The following SGCZ variants were observed in gnomAD, a reference collection of about 807,000 sequenced individuals.
SGCZ encodes the protein zeta-sarcoglycan.
A neutral mutation model predicts 41.3 loss-of-function variants in SGCZ; 40 were observed. That is an observed-to-expected ratio of 0.97 (90% CI 0.75 to 1.26). SGCZ has a LOEUF of 1.26. Ranked by LOEUF, SGCZ falls within the 50% of genes most tolerant of loss-of-function variation. The pLI is 0.00. For synonymous variants in SGCZ, 206 were observed against 137.5 expected (o/e 1.50, Z -3.49); for missense variants, 552 against 369.8 (o/e 1.49, Z -4.04).
intron 1 of SGCZ, among the ~76,000 whole-genome samples, chr8:14,808,737 C>T (rs1281428749): frequency 6.6e-6 from 1 of 151,872 alleles, no homozygotes; most frequent in Non-Finnish European, 1.5e-5. Flanking sequence ...TGGGTATATA[C>T]CCAAAGAACT....
chr8:14,414,848 T>G (rs1021063388), intron 2 of SGCZ, among the ~76,000 whole-genome samples: 12 of 151,984 alleles, frequency 7.9e-5, no homozygotes, highest in African/African-American at 2.9e-4. Context: ...GAAATTGTGA[T>G]CATAAATTCA....
chr8:15,190,396 A>G (rs1272863426), intron 1 of SGCZ, among the ~76,000 whole-genome samples: 1 of 152,072 alleles, frequency 6.6e-6, no homozygotes, highest in African/African-American at 2.4e-5. Flanking sequence ...CTACCATGCA[A>G]TAGGCTTGAC....
intron 1 of SGCZ, among the ~76,000 whole-genome samples, chr8:14,883,505 A>G (rs913002870): frequency 6.6e-6 from 1 of 152,158 alleles, no homozygotes; most frequent in African/African-American, 2.4e-5. Context: ...TTACTGATCC[A>G]ATCCTTATTT....
At chr8:15,039,875 C>G (rs1424690080) in intron 1 of SGCZ, among the ~76,000 whole-genome samples, 2 of 152,166 alleles carry the variant, frequency 1.3e-5, no homozygotes, top group African/African-American at 4.8e-5. Flanking sequence ...GGTTAAACCG[C>G]AGCTTTTCAT....
intron 4 of SGCZ, among the ~76,000 whole-genome samples, chr8:14,197,284 C>A (rs1585222033): frequency 6.6e-6 from 1 of 152,070 alleles, no homozygotes. Flanking sequence ...GAACACTTCA[C>A]AACTTATTGT....
intron 1 of SGCZ, among the ~76,000 whole-genome samples, chr8:14,936,257 C>A (rs1289988182): frequency 1.3e-5 from 2 of 151,868 alleles, no homozygotes; most frequent in Non-Finnish European, 2.9e-5. Context: ...GGGTTACATT[C>A]TGATAAACCC....
intron 1 of SGCZ, among the ~76,000 whole-genome samples, chr8:14,983,261 C>T (rs1412832712): frequency 1.3e-5 from 2 of 151,478 alleles, no homozygotes; most frequent in Non-Finnish European, 2.9e-5. Context: ...TCATAGCTCA[C>T]TGCAGCCTCC....
At chr8:14,330,999 T>C (rs1802299365) in intron 2 of SGCZ, among the ~76,000 whole-genome samples, 1 of 151,900 alleles carries the variant, frequency 6.6e-6, no homozygotes, top group South Asian at 2.1e-4. Flanking sequence ...GTATTACACA[T>C]TTCAAAACAA....
chr8:14,634,957 T>A (rs934553064), intron 1 of SGCZ, among the ~76,000 whole-genome samples: 2 of 151,874 alleles, frequency 1.3e-5, no homozygotes, highest in African/African-American at 4.8e-5. Context: ...GTATAATTGA[T>A]GCATTATGAT....
chr8:14,295,467 C>A (rs1478024977), intron 3 of SGCZ, among the ~76,000 whole-genome samples: 1 of 152,132 alleles, frequency 6.6e-6, no homozygotes, highest in Non-Finnish European at 1.5e-5. Context: ...TGTCCATAAT[C>A]ATTCCTTTTA....
intron 1 of SGCZ, among the ~76,000 whole-genome samples, chr8:14,786,906 T>G (rs535973289): frequency 6.7e-6 from 1 of 149,452 alleles, no homozygotes; most frequent in Non-Finnish European, 1.5e-5. Context: ...CATACAACCA[T>G]GCTGTATGAT....
intron 3 of SGCZ, among the ~76,000 whole-genome samples, chr8:14,307,098 T>A (rs1387673488): frequency 2.6e-5 from 4 of 152,202 alleles, no homozygotes; most frequent in African/African-American, 9.6e-5. Context: ...GAGCAAGTAC[T>A]GCTATAATAA....
intron 1 of SGCZ, among the ~76,000 whole-genome samples, chr8:15,006,044 T>A (rs1291727818): frequency 6.6e-6 from 1 of 152,248 alleles, no homozygotes; most frequent in Non-Finnish European, 1.5e-5. Flanking sequence ...GGTAATCACA[T>A]TGTTTATATT....
chr8:15,062,195 T>G (rs2131012843), intron 1 of SGCZ, among the ~76,000 whole-genome samples: 1 of 152,276 alleles, frequency 6.6e-6, no homozygotes, highest in African/African-American at 2.4e-5. Flanking sequence ...AAGCATTAAG[T>G]TTTTATTATA....
chr8:14,987,613 T>G (rs945762559), intron 1 of SGCZ, among the ~76,000 whole-genome samples: 1 of 151,970 alleles, frequency 6.6e-6, no homozygotes, highest in Non-Finnish European at 1.5e-5. Flanking sequence ...CAGTCATCCT[T>G]CTCCAAAATA....
chr8:14,786,020 G>C (rs551567127), intron 1 of SGCZ, among the ~76,000 whole-genome samples: 1 of 132,720 alleles, frequency 7.5e-6, no homozygotes, highest in East Asian at 1.9e-4. Flanking sequence ...TCTGTTTAGA[G>C]ATATATCCCC....
chr8:14,960,855 C>T (rs926295588), intron 1 of SGCZ, among the ~76,000 whole-genome samples: 6 of 151,800 alleles, frequency 4.0e-5, no homozygotes, highest in Admixed American at 3.9e-4. Flanking sequence ...AAGACAGAAT[C>T]ATGTGGCCTT....
At chr8:14,308,053 C>G (rs1334467313) in intron 3 of SGCZ, among the ~76,000 whole-genome samples, 1 of 151,940 alleles carries the variant, frequency 6.6e-6, no homozygotes, top group Non-Finnish European at 1.5e-5. Flanking sequence ...GGAACAATAT[C>G]TTAGTAAATT....
At chr8:14,621,657 CTG>C (rs1437390183) in intron 1 of SGCZ, among the ~76,000 whole-genome samples, 3 of 151,998 alleles carry the variant, frequency 2.0e-5, no homozygotes, top group African/African-American at 7.2e-5. Context: ...GAGCAAGAGA[CTG>C]AGAGAGAGTG....
Sources: allele counts gnomAD v4.1 joint callset (sites outside exome capture counted in the v4.1 genomes callset), GRCh38; gene constraint gnomAD v4.1.1; transcripts MANE v1.5; gene names NCBI Gene and HGNC (gene_info 2026-07-23, HGNC 2026-07-21).